Variants in OXSR1 observed in about 807,000 individuals in gnomAD.
OXSR1 encodes oxidative stress responsive kinase 1.
In OXSR1, 24 loss-of-function variants were observed where a neutral mutation model predicts 79.8. The ratio of observed to expected loss-of-function variants is 0.30; its 90% CI spans 0.22 to 0.42. OXSR1 has a LOEUF of 0.42. Ranked by LOEUF, OXSR1 falls within the 10% of genes least tolerant of loss-of-function variation. The pLI is 1.00. For missense variants in OXSR1, 430 were observed against 618.4 expected (o/e 0.70, Z 3.23); for synonymous variants, 226 against 209.2 (o/e 1.08, Z -0.69).
Position 38,180,184 on chromosome 3 carries a change from C to G in OXSR1, c.71-2819C>G, listed in dbSNP as rs181208293. Among the ~76,000 whole-genome samples, 182 of 152,250 alleles carry G rather than the reference C, an allele frequency of 1.2e-3. 1 individual carries two copies. Among genetic ancestry groups the G allele is most frequent in the Admixed American group, 4.7e-3 (72 of 15,282 alleles). On this transcript the variant is annotated intron_variant, in intron 1 of 17. Transcript: ENST00000311806. ...GTCTCGAACTCTGGTTTCAAGTGAT[C>G]CACCAGCCTCAGCCGCCTAAAGTGC... is the stretch of plus-strand genomic sequence containing the variant.
intron 2 of OXSR1, among the ~76,000 whole-genome samples, chr3:38,186,401 A>G (rs1369794900): frequency 6.6e-6 from 1 of 152,174 alleles, no homozygotes; most frequent in Non-Finnish European, 1.5e-5. Context: ...TTTATTCGCA[A>G]AGTTGTGCAA....
rs781274129 is a variant in OXSR1, at chr3:38,165,972, G to C, written c.70+26G>C. The C allele has an allele frequency of 1.9e-6, 3 of 1,598,224 alleles. No individual in the cohort carries two copies. In the East Asian group the frequency reaches 6.7e-5, roughly 36 times the overall value. Reference sequence around the variant, plus strand: ...GTGAGAGCAGGCGCTGCGGAGGGGGGAGGCGCGGCGCTGGGAGGCGGGGGA... The same window carrying C: ...GTGAGAGCAGGCGCTGCGGAGGGGGCAGGCGCGGCGCTGGGAGGCGGGGGA... On this transcript the variant is annotated intron_variant, in intron 1 of 17. Coordinates refer to ENST00000311806, the MANE Select transcript of OXSR1 (RefSeq NM_005109.3).
intron 11 of OXSR1, among the ~76,000 whole-genome samples, chr3:38,240,040 C>G (rs1021188822): frequency 7.9e-5 from 12 of 151,994 alleles, no homozygotes; most frequent in African/African-American, 2.9e-4. Context: ...TAAATCTGGT[C>G]CCTGTTTATT....
At chr3:38,234,267 T>C (rs2125845309) in intron 10 of OXSR1, among the ~76,000 whole-genome samples, 1 of 152,302 alleles carries the variant, frequency 6.6e-6, no homozygotes, top group East Asian at 1.9e-4. Context: ...TATCAAAAAT[T>C]AAGACTTTTG....
intron 1 of OXSR1, among the ~76,000 whole-genome samples, chr3:38,166,458 C>T (rs1336926077): frequency 6.6e-6 from 1 of 152,084 alleles, no homozygotes; most frequent in Non-Finnish European, 1.5e-5. Flanking sequence ...TTCCAACTGA[C>T]TTTCCAGTCG....
chr3:38,230,550 T>G, intron 10 of OXSR1, 120 bp downstream of exon 10: 1 of 686,724 alleles, frequency 1.5e-6, no homozygotes, highest in Non-Finnish European at 2.6e-6. Flanking sequence ...GTCGATCCTT[T>G]CTAAAGCATT....
chr3:38,223,980 T>C, intron 7 of OXSR1, 67 bp downstream of exon 7: 1 of 942,698 alleles, frequency 1.1e-6, no homozygotes, highest in African/African-American at 1.7e-5. Context: ...CATTTGCCAG[T>C]CTTTTAATTT....
At chr3:38,197,698 G>A (rs565982446) in intron 3 of OXSR1, among the ~76,000 whole-genome samples, 1 of 152,064 alleles carries the variant, frequency 6.6e-6, no homozygotes, top group African/African-American at 2.4e-5. Flanking sequence ...ATAAACTTGC[G>A]TTCAGTCCTT....
rs1364708444 is a variant in OXSR1, at chr3:38,236,897, A to T, written c.1010A>T (p.Glu337Val). Residue 337 changes from glutamate to valine, a missense_variant, in exon 11 of 18, where the codon GAG becomes GTG. Transcript: ENST00000311806. ...CATAAGACAGAGGATGGAGGCTGGG[A>T]GTGGAGTGATGATGAATTTGATGAA... is the stretch of plus-strand genomic sequence containing the variant. ...RLHKTEDGGWEWSDDEFDEES... is the reference protein window; with the variant it reads ...RLHKTEDGGWVWSDDEFDEES... 6.2e-7 allele frequency: 1 copy of T among 1,612,882 alleles called. No homozygotes were observed. Among genetic ancestry groups the T allele is most frequent in the African/African-American group, 1.3e-5 (1 of 75,012 alleles).
At chr3:38,224,109 C>G (rs1439888145) in intron 7 of OXSR1, among the ~76,000 whole-genome samples, 196 bp downstream of exon 7, 1 of 152,190 alleles carries the variant, frequency 6.6e-6, no homozygotes, top group African/African-American at 2.4e-5. Context: ...TCACCACCAT[C>G]TGTATCCAAA....
At chr3:38,169,157 T>A (rs1433660021) in intron 1 of OXSR1, among the ~76,000 whole-genome samples, 4 of 152,248 alleles carry the variant, frequency 2.6e-5, no homozygotes, top group Non-Finnish European at 5.9e-5. Context: ...GGTATCTCAT[T>A]GTGGTTTTGA....
intron 4 of OXSR1, among the ~76,000 whole-genome samples, chr3:38,208,400 C>T (rs1203519993): frequency 1.3e-5 from 2 of 152,224 alleles, no homozygotes; most frequent in Non-Finnish European, 2.9e-5. Flanking sequence ...ATTGGGGACC[C>T]TCGGTGTTTC....
intron 2 of OXSR1, among the ~76,000 whole-genome samples, chr3:38,188,821 C>A (rs1701932770): frequency 6.6e-6 from 1 of 152,066 alleles, no homozygotes; most frequent in Admixed American, 6.5e-5. Context: ...TTTTAATGTG[C>A]CTCTCCAATG....
intron 4 of OXSR1, among the ~76,000 whole-genome samples, chr3:38,208,274 A>T (rs1702309476): frequency 6.6e-6 from 1 of 152,068 alleles, no homozygotes; most frequent in African/African-American, 2.4e-5. Flanking sequence ...ACAGTTTTAG[A>T]TGGAAATTCA....
At chr3:38,179,453 CATT>C (rs1349342005) in intron 1 of OXSR1, among the ~76,000 whole-genome samples, 1 of 152,100 alleles carries the variant, frequency 6.6e-6, no homozygotes, top group Non-Finnish European at 1.5e-5. Context: ...AGGCGTGAGT[CATT>C]ATTTCTGGCC....
chr3:38,198,617 C>G, intron 3 of OXSR1, 105 bp from the exon 4 acceptor site: 1 of 733,024 alleles, frequency 1.4e-6, no homozygotes, highest in Admixed American at 2.9e-5. Flanking sequence ...CATTTCTGCA[C>G]AGTTAAGTTT....
chr3:38,195,409 T>G (rs1702055408), intron 3 of OXSR1, among the ~76,000 whole-genome samples: 1 of 152,200 alleles, frequency 6.6e-6, no homozygotes, highest in Non-Finnish European at 1.5e-5. Flanking sequence ...GTGACCAGCT[T>G]TGGATGTTCA....
intron 3 of OXSR1, among the ~76,000 whole-genome samples, chr3:38,196,850 T>A (rs569602799): frequency 6.6e-6 from 1 of 152,340 alleles, no homozygotes; most frequent in African/African-American, 2.4e-5. Context: ...GTAATAGGGC[T>A]TAATTGTTAA....
At chr3:38,224,855 ATGAAT>A (rs1431932577) in intron 8 of OXSR1, 151 bp downstream of exon 8, 3 of 546,192 alleles carry the variant, frequency 5.5e-6, no homozygotes, top group Admixed American at 8.3e-5. Flanking sequence ...TGGATTGGAA[ATGAAT>A]TGATTTCTGC....
Sources: allele counts gnomAD v4.1 joint callset (sites outside exome capture counted in the v4.1 genomes callset), GRCh38; gene constraint gnomAD v4.1.1; transcripts MANE v1.5; gene names NCBI Gene and HGNC (gene_info 2026-07-23, HGNC 2026-07-21).